EXT1: variants seen among roughly 807,000 people sequenced by gnomAD.
EXT1 encodes the protein exostosin glycosyltransferase 1.
In EXT1, 20 loss-of-function variants were observed where a neutral mutation model predicts 82.5. That is an observed-to-expected ratio of 0.24 (90% CI 0.17 to 0.35). EXT1 has a LOEUF of 0.35. EXT1 is among the 10% of genes least tolerant of loss of function. The pLI, the probability that EXT1 is intolerant of heterozygous loss-of-function variation, is 1.00. For synonymous variants in EXT1, 348 were observed against 350.8 expected (o/e 0.99, Z 0.09); for missense variants, 757 against 936.5 (o/e 0.81, Z 2.50).
intron 1 of EXT1, among the ~76,000 whole-genome samples, chr8:118,014,421 A>G (rs1815964400): frequency 6.6e-6 from 1 of 152,082 alleles, no homozygotes; most frequent in South Asian, 2.1e-4. Flanking sequence ...AGGAGTTCAC[A>G]TACTCTCCTT....
intron 1 of EXT1, among the ~76,000 whole-genome samples, chr8:117,962,757 C>CA (rs1814727065): frequency 8.1e-6 from 1 of 124,194 alleles, no homozygotes; most frequent in African/African-American, 4.6e-5. Flanking sequence ...CATCCCCCCA[C>CA]ACCCCCCACC....
intron 1 of EXT1, among the ~76,000 whole-genome samples, chr8:117,928,692 T>C (rs1054143754): frequency 1.3e-5 from 2 of 151,946 alleles, no homozygotes; most frequent in Non-Finnish European, 2.9e-5. Context: ...TTCCACTGGA[T>C]GTGATATCTG....
intron 1 of EXT1, among the ~76,000 whole-genome samples, chr8:118,007,556 G>A (rs909948417): frequency 3.3e-5 from 5 of 152,176 alleles, no homozygotes; most frequent in African/African-American, 9.7e-5. Context: ...AAACCACCAC[G>A]GCACACATTT....
chr8:117,957,362 C>G (rs560726026), intron 1 of EXT1, among the ~76,000 whole-genome samples: 1 of 152,314 alleles, frequency 6.6e-6, no homozygotes, highest in East Asian at 1.9e-4. Context: ...AAATTAATGC[C>G]TCTAAAGAGA....
rs746299321 is a variant in EXT1, at chr8:117,794,699, C to G, written c.*5013G>C. On this transcript the variant is annotated 3_prime_UTR_variant, in exon 11 of 11. Coordinates refer to ENST00000378204, the MANE Select transcript of EXT1 (RefSeq NM_000127.3). ...TCACACATACTTGAGGGCTTAATTA[C>G]GCTAAGTCATTAATACTCTATAACA... The G allele has an allele frequency of 1.3e-5, 2 of 151,968 alleles. No individual in the cohort carries two copies. Among genetic ancestry groups the G allele is most frequent in the Non-Finnish European group, 2.9e-5 (2 of 67,996 alleles). 9.4% of individuals were successfully genotyped at this position (151,968 alleles called of 1,614,324 possible).
chr8:118,015,282 G>C (rs1815980236), intron 1 of EXT1, among the ~76,000 whole-genome samples: 1 of 152,178 alleles, frequency 6.6e-6, no homozygotes, highest in Admixed American at 6.5e-5. Context: ...TGTTTGTCAT[G>C]ATCACAGAAA....
intron 1 of EXT1, among the ~76,000 whole-genome samples, chr8:117,961,547 A>T (rs770661152): frequency 6.6e-6 from 1 of 152,240 alleles, no homozygotes; most frequent in Admixed American, 6.5e-5. Flanking sequence ...ATGAGTCTAT[A>T]CTTCTGAATT....
chr8:118,074,928 G>A (rs1817179821), intron 1 of EXT1, among the ~76,000 whole-genome samples: 1 of 152,206 alleles, frequency 6.6e-6, no homozygotes, highest in Non-Finnish European at 1.5e-5. Flanking sequence ...AGCTCAGGGA[G>A]AGGAGAGCCG....
chr8:117,890,316 T>G (rs904654189), intron 1 of EXT1, among the ~76,000 whole-genome samples: 1 of 152,342 alleles, frequency 6.6e-6, no homozygotes, highest in Admixed American at 6.5e-5. Flanking sequence ...CAAGAAACCT[T>G]TGGCAACTTC....
intron 1 of EXT1, among the ~76,000 whole-genome samples, chr8:117,974,419 T>C (rs994628403): frequency 4.6e-5 from 7 of 152,182 alleles, no homozygotes; most frequent in African/African-American, 1.7e-4. Context: ...TTCACAAAGC[T>C]GCTTTACAGT....
intron 1 of EXT1, among the ~76,000 whole-genome samples, chr8:117,843,566 G>A (rs925868316): frequency 3.3e-5 from 5 of 152,102 alleles, no homozygotes; most frequent in African/African-American, 1.2e-4. Context: ...TTTGGGGAGG[G>A]GAAGGTATGG....
In EXT1 at chr8:117,925,705, C is replaced by CA. The variant is rs3049788; in HGVS notation, c.963-88505dup. Among the ~76,000 whole-genome samples the CA allele has an allele frequency of 1.1e-3, 109 of 98,564 alleles. 1 individual carries two copies. The highest frequency in any genetic ancestry group is 2.9e-3 in the South Asian group (8 of 2,776). 64.7% of individuals were successfully genotyped at this position (98,564 alleles called of 152,430 possible). On this transcript the variant is annotated intron_variant, in intron 1 of 10. Coordinates refer to ENST00000378204, the MANE Select transcript of EXT1 (RefSeq NM_000127.3). Reference sequence around the variant, plus strand: ...GTAACACAGGGATACCCTGTCTCTACAAAAAAAAAAAAAAAAAAGAAAGAA... The same window carrying CA: ...GTAACACAGGGATACCCTGTCTCTACAAAAAAAAAAAAAAAAAAAGAAAGAA...
intron 8 of EXT1, among the ~76,000 whole-genome samples, chr8:117,807,906 AG>A (rs1823262508): frequency 6.6e-6 from 1 of 152,342 alleles, no homozygotes; most frequent in East Asian, 1.9e-4. Flanking sequence ...AATACAGAGC[AG>A]GTATCATAAA....
chr8:117,818,626 G>C (rs1470619980), intron 6 of EXT1, 96 bp from the exon 7 acceptor site: 15 of 1,024,498 alleles, frequency 1.5e-5, no homozygotes, highest in Non-Finnish European at 2.3e-5. Context: ...AGAGAAAGAG[G>C]AGCTGGAAAT....
intron 7 of EXT1, among the ~76,000 whole-genome samples, chr8:117,817,439 T>C (rs1811841153): frequency 6.6e-6 from 1 of 152,136 alleles, no homozygotes; most frequent in African/African-American, 2.4e-5. Context: ...GTTTTTTAGA[T>C]GGCACTGCTT....
intron 1 of EXT1, among the ~76,000 whole-genome samples, chr8:117,844,695 T>G (rs1281551241): frequency 6.6e-6 from 1 of 152,160 alleles, no homozygotes; most frequent in Non-Finnish European, 1.5e-5. Flanking sequence ...AGTTTCTCCA[T>G]GACACCTACT....
At chr8:118,087,992 T>TTTAA in intron 1 of EXT1, among the ~76,000 whole-genome samples, 1 of 151,580 alleles carries the variant, frequency 6.6e-6, no homozygotes, top group East Asian at 1.9e-4. Flanking sequence ...GAGAACTGCT[T>TTTAA]TTAATTAAAC....
intron 1 of EXT1, among the ~76,000 whole-genome samples, chr8:117,931,814 T>A (rs761375592): frequency 6.6e-6 from 1 of 152,206 alleles, no homozygotes; most frequent in Admixed American, 6.5e-5. Flanking sequence ...AAGGTTTCTA[T>A]TGCAGCTAAG....
chr8:117,960,623 A>AT (rs1814680432), intron 1 of EXT1, among the ~76,000 whole-genome samples: 1 of 152,230 alleles, frequency 6.6e-6, no homozygotes, highest in Admixed American at 6.5e-5. Context: ...TTCACCATGC[A>AT]TAATAAAGAG....
Sources: gnomAD v4.1 joint callset for allele counts (sites outside exome capture counted in the v4.1 genomes callset) on GRCh38, gnomAD v4.1.1 for gene constraint, MANE v1.5 for transcripts, NCBI Gene and HGNC (gene_info 2026-07-23, HGNC 2026-07-21) for gene names.